The following F5 variants were observed in gnomAD, a reference collection of about 807,000 sequenced individuals.
F5 encodes the protein coagulation factor V, also known as activated protein c cofactor.
A neutral mutation model predicts 216.4 loss-of-function variants in F5; 138 were observed. That is an observed-to-expected ratio of 0.64 (90% confidence interval 0.56 to 0.73). The LOEUF is 0.73. F5 is among the 30% of genes least tolerant of loss of function. F5 has a pLI of 0.00. For missense variants in F5, 2,403 were observed against 2,674.0 expected (o/e 0.90, Z 2.24); for synonymous variants, 916 against 930.7 (o/e 0.98, Z 0.29).
At position 169,579,315 on chromosome 1, in the gene F5, T is replaced by G. The variant is rs1660936183; in HGVS notation, c.250+3116A>C. Reference sequence around the variant, plus strand: ...CTTTCTCAAGCTCCTTGGTAAACTTTTCTTTCTTGGCTCATCCCTTGGACT... The same window carrying G: ...CTTTCTCAAGCTCCTTGGTAAACTTGTCTTTCTTGGCTCATCCCTTGGACT... On this transcript the variant is annotated intron_variant, in intron 2 of 24. Transcript: ENST00000367797. Among the ~76,000 whole-genome samples, 8 of 152,316 alleles carry G rather than the reference T, an allele frequency of 5.3e-5. No homozygotes were observed. In the South Asian group the frequency reaches 1.7e-3, roughly 32 times the overall value.
At chr1:169,524,566 C>A (rs1042497661) in intron 19 of F5, among the ~76,000 whole-genome samples, 3 of 152,076 alleles carry the variant, frequency 2.0e-5, no homozygotes, top group African/African-American at 7.2e-5. Context: ...CCCCAGCTAT[C>A]GGTTTTTCCT....
chr1:169,527,917 G>C lies in F5; in HGVS notation c.5597C>G (p.Pro1866Arg). ...TCTTCCCATTACCCAATCTTTACCA[G>C]GCAGAAGGGGCCAGACCCCTAACTG... ...QHQLGVWPLL[P>R]GSFKTLEMKA... The change falls in exon 17 of 25, where the codon CCT (proline) becomes CGT (arginine). Residue 1866 changes from proline to arginine, a missense_variant and splice_region_variant. By Grantham distance (103) the Pro-to-Arg change is moderately radical. Around this residue, in one of 4 missense-constraint regions of F5, gnomAD observed 659 missense variants for 787.9 expected, o/e 0.84. Transcript: ENST00000367797. 1 of 1,613,292 alleles carries C rather than the reference G, an allele frequency of 6.2e-7. No homozygotes were observed. The highest frequency in any genetic ancestry group is 8.5e-7 in the Non-Finnish European group (1 of 1,179,670).
intron 3 of F5, among the ~76,000 whole-genome samples, chr1:169,571,663 C>T (rs1448648569): frequency 6.6e-6 from 1 of 152,082 alleles, no homozygotes; most frequent in Non-Finnish European, 1.5e-5. Flanking sequence ...AACCAATTTC[C>T]TGTTTTTGTA....
In F5 at chr1:169,541,925, G is replaced by T. The variant is rs1659862722; in HGVS notation, c.3165C>A (p.Ala1055=). 1.2e-6 allele frequency: 2 copies of T among 1,614,096 alleles called. No homozygotes were observed. The highest frequency in any genetic ancestry group is 1.7e-6 in the Non-Finnish European group (2 of 1,180,006). The change falls in exon 13 of 25, where the codon GCC becomes GCA. Residue 1055 remains alanine, a synonymous_variant. Transcript: ENST00000367797. Reference sequence around the variant, plus strand: ...GTCTTCTTTCTGAAAATGTGTTGTAGGCTTCACTTCTTAGAGGGTGAAAGG... The same window carrying T: ...GTCTTCTTTCTGAAAATGTGTTGTATGCTTCACTTCTTAGAGGGTGAAAGG... The part of the protein sequence containing the change: ...PRTFHPLRSE[A]YNTFSERRLK...
chr1:169,529,423 C>T (rs1041682153), intron 16 of F5, among the ~76,000 whole-genome samples, 185 bp downstream of exon 16: 6 of 152,108 alleles, frequency 3.9e-5, no homozygotes, highest in African/African-American at 1.4e-4. Context: ...TCTCTTTTTG[C>T]CTCACCCACA....
chr1:169,543,149 A>G, intron 12 of F5, 35 bp from the exon 13 acceptor site: 2 of 1,588,288 alleles, frequency 1.3e-6, no homozygotes, highest in Non-Finnish European at 1.7e-6. Flanking sequence ...AGAGATCTGG[A>G]AGTCTGGGAA....
intron 2 of F5, among the ~76,000 whole-genome samples, chr1:169,578,106 C>A (rs140125774): frequency 6.6e-6 from 1 of 152,290 alleles, no homozygotes; most frequent in African/African-American, 2.4e-5. Flanking sequence ...GCCAGATTTG[C>A]CTCCTTGTAT....
rs13306325 is a variant in F5 at position 169,572,132 on chromosome 1, C to T, written c.373+89G>A. 200 of 1,342,562 alleles carry T rather than the reference C, an allele frequency of 1.5e-4. No homozygotes were observed. In the East Asian group the frequency reaches 4.4e-3, roughly 29 times the overall value. The allele number at this position is 1,342,562 out of a possible 1,614,324, so 83.2% of individuals were successfully genotyped here. A position where few individuals can be genotyped will look rare whatever the true frequency, so the allele number is the denominator to read the frequency against. Reference sequence around the variant, plus strand: ...GTTGCAAGAGATTTCCCTAACAACACGTGGTTAACAGTATAGTTTTAAATG... The same window carrying T: ...GTTGCAAGAGATTTCCCTAACAACATGTGGTTAACAGTATAGTTTTAAATG... On this transcript the variant is annotated intron_variant, in intron 3 of 24. Transcript: ENST00000367797.
intron 2 of F5, among the ~76,000 whole-genome samples, chr1:169,578,795 C>G (rs1173435020): frequency 6.6e-6 from 1 of 152,100 alleles, no homozygotes; most frequent in African/African-American, 2.4e-5. Context: ...CAACGTTATC[C>G]TCTGCTTTCC....
At chr1:169,583,601 G>C (rs1342340064) in intron 1 of F5, among the ~76,000 whole-genome samples, 1 of 152,170 alleles carries the variant, frequency 6.6e-6, no homozygotes, top group African/African-American at 2.4e-5. Flanking sequence ...TTTTAAATAA[G>C]TTGATATGTG....
chr1:169,525,820 T>C, intron 18 of F5, 81 bp downstream of exon 18: 1 of 1,001,436 alleles, frequency 1.0e-6, no homozygotes, highest in Non-Finnish European at 1.6e-6. Flanking sequence ...TAGAGTTGAA[T>C]ATTTCCAATC....
Position 169,542,848 on chromosome 1 carries a change from C to T in F5, c.2242G>A (p.Glu748Lys). 1 of 1,614,142 alleles carries T rather than the reference C, an allele frequency of 6.2e-7. No individual in the cohort carries two copies. The highest frequency in any genetic ancestry group is 8.5e-7 in the Non-Finnish European group (1 of 1,179,998). ...AGGGCAGTAAGATTGAACTCTTCTT[C>T]TTCCTGATTCAATGATGAGTTTCGG... ...SFRNSSLNQE[E>K]EEFNLTALAL... Residue 748 changes from glutamate to lysine, a missense_variant, in exon 13 of 25, where the codon GAA becomes AAA. Glu to Lys is a moderately conservative substitution (Grantham distance 56). Around this residue, in one of 4 missense-constraint regions of F5, gnomAD observed 1,425 missense variants for 1,554.8 expected, o/e 0.92. Coordinates refer to ENST00000367797, the MANE Select transcript of F5 (RefSeq NM_000130.5).
rs768455174 is a variant in F5, at chr1:169,540,372, C to T, written c.4718G>A (p.Arg1573His). ...ATTTCTTCTGTTTCCATTGTTGCTG[C>T]GGAGGTACCATGCTGCAATGTTGTC... ...DPDNIAAWYL[R>H]SNNGNRRNYY... Residue 1573 changes from arginine to histidine, a missense_variant, in exon 13 of 25, where the codon CGC (arginine) becomes CAC (histidine). By Grantham distance (29) the Arg-to-His change is conservative. Around this residue, in one of 4 missense-constraint regions of F5, gnomAD observed 659 missense variants for 787.9 expected, o/e 0.84. Coordinates refer to ENST00000367797, the MANE Select transcript of F5 (RefSeq NM_000130.5). The T allele has an allele frequency of 8.1e-6, 13 of 1,613,828 alleles. No individual in the cohort carries two copies. The highest frequency in any genetic ancestry group is 8.0e-5 in the African/African-American group (6 of 74,908).
chr1:169,520,449 C>T (rs1028400558), intron 22 of F5, 71 bp downstream of exon 22: 44 of 1,588,748 alleles, frequency 2.8e-5, no homozygotes, highest in Non-Finnish European at 3.7e-5. Context: ...AAATTCTACT[C>T]ATTCTCCTAT....
chr1:169,520,404 T>A, intron 22 of F5, 116 bp downstream of exon 22: 1 of 1,314,204 alleles, frequency 7.6e-7, no homozygotes, highest in Non-Finnish European at 1.1e-6. Context: ...TTCACAAAGG[T>A]TTTCCTAGGA....
Position 169,530,934 on chromosome 1 carries a change from T to C in F5, c.5060A>G (p.Glu1687Gly), listed in dbSNP as rs750482599. The C allele has an allele frequency of 1.2e-5, 19 of 1,613,808 alleles. No individual in the cohort carries two copies. The highest frequency in any genetic ancestry group is 3.3e-4 in the Middle Eastern group (2 of 6,080). ...CTTAAACCATTCAGGAGAGTCATCT[T>C]CATAAGTCTTTCCCTCTGATGATTT... ...YEKSSEGKTY[E>G]DDSPEWFKED... The change falls in exon 15 of 25, where the codon GAA becomes GGA. Residue 1687 changes from glutamate (E) to glycine (G), a missense_variant. Transcript: ENST00000367797.
Position 169,560,690 on chromosome 1 carries a change from A to G in F5, c.450T>C (p.Tyr150=), listed in dbSNP as rs1660456059. The G allele has an allele frequency of 6.2e-7, 1 of 1,613,794 alleles. No homozygotes were observed. The highest frequency in any genetic ancestry group is 1.7e-5 in the Admixed American group (1 of 59,998). The stretch of plus-strand genomic sequence containing the variant: ...CACTGTCCTCACTGATACTCCATTC[A>G]TAGGTGTATTCTCGGCCTGGAGCCA... The part of the protein sequence containing the change: ...DAVAPGREYT[Y]EWSISEDSGP... Residue 150 remains tyrosine (Y), a synonymous_variant, in exon 4 of 25, where the codon TAT becomes TAC. Coordinates refer to ENST00000367797, the MANE Select transcript of F5 (RefSeq NM_000130.5).
chr1:169,566,957 T>G (rs775181353), intron 3 of F5, among the ~76,000 whole-genome samples: 2 of 152,056 alleles, frequency 1.3e-5, no homozygotes, highest in South Asian at 4.1e-4. Context: ...GTGAGTAAGA[T>G]AGAAATTGGT....
In F5 at chr1:169,540,839, C is replaced by T; in HGVS notation, c.4251G>A (p.Glu1417=). Residue 1417 remains glutamate (E), a synonymous_variant, in exon 13 of 25, where the codon GAG becomes GAA. Coordinates refer to ENST00000367797, the MANE Select transcript of F5 (RefSeq NM_000130.5). ...GACCAAAGTTTGGGGAAAGATCTGT[C>T]TCACCAAGGTCTGGAGAAAGTGTCA... The part of the protein sequence containing the change: ...DQMTLSPDLG[E]TDLSPNFGQM... 2 of 1,613,758 alleles carry T rather than the reference C, an allele frequency of 1.2e-6. No homozygotes were observed. Among genetic ancestry groups the T allele is most frequent in the Non-Finnish European group, 1.7e-6 (2 of 1,179,894 alleles).
Sources: gnomAD v4.1 joint callset for allele counts (sites outside exome capture counted in the v4.1 genomes callset) on GRCh38, gnomAD v4.1.1 for gene constraint, gnomAD v4.1.1 regional missense constraint, MANE v1.5 for transcripts, NCBI Gene and HGNC (gene_info 2026-07-23, HGNC 2026-07-21) for gene names.